ADGRV1: variants seen among roughly 807,000 people sequenced by gnomAD.
ADGRV1 encodes the protein G-protein coupled receptor 98.
In ADGRV1, 359 loss-of-function variants were observed where a neutral mutation model predicts 596.2. The observed-to-expected ratio is 0.60, with a 90% CI of 0.55 to 0.66. The LOEUF is 0.66. Among genes scored for constraint, ADGRV1 ranks in the 30% least tolerant of loss-of-function variants. The probability of loss-of-function intolerance (pLI) is 0.00; values close to 1 mark genes in which losing one functional copy is unlikely to be tolerated. For synonymous variants in ADGRV1, 2,681 were observed against 2,679.2 expected, an observed-to-expected ratio of 1.00 and a Z score of -0.02; for missense variants, 7,274 against 7,575.6, an observed-to-expected ratio of 0.96 and a Z score of 1.48.
intron 82 of ADGRV1, among the ~76,000 whole-genome samples, chr5:90,856,840 T>C (rs1379039712): frequency 3.3e-5 from 5 of 152,348 alleles, no homozygotes; most frequent in African/African-American, 4.8e-5. Context: ...GTGATAAATA[T>C]ATGAAGTCAG....
intron 85 of ADGRV1, among the ~76,000 whole-genome samples, chr5:91,021,191 C>A (rs148887475): frequency 1.3e-5 from 2 of 152,128 alleles, no homozygotes; most frequent in African/African-American, 4.8e-5. Flanking sequence ...TTTTATCTAA[C>A]CTCATTTTTG....
intron 6 of ADGRV1, 31 bp from the exon 7 acceptor site, chr5:90,627,180 T>C: frequency 2.4e-6 from 3 of 1,265,338 alleles, no homozygotes; most frequent in Non-Finnish European, 3.2e-6. Context: ...TGGCTGTTGA[T>C]GTTTTGCCTC....
At position 90,750,565 on chromosome 5, in the gene ADGRV1, G is replaced by T. The variant is rs377145287; in HGVS notation, c.10989G>T (p.Lys3663Asn). The T allele has an allele frequency of 6.2e-7, 1 of 1,607,888 alleles. No individual in the cohort carries two copies. The highest frequency in any genetic ancestry group is 1.3e-5 in the African/African-American group (1 of 74,808). The change falls in exon 53 of 90, where the codon AAG (lysine) becomes AAT (asparagine). Residue 3663 changes from lysine to asparagine, a missense_variant. Lys to Asn is a moderately conservative substitution (Grantham distance 94). Transcript: ENST00000405460. ...TATTTTTTCAGAATTCATTATATAA[G>T]CAAGTGGAAGAAATGGAGCAAGATA... ...IVAFAQNSLY[K>N]QVEEMEQDSL...
chr5:90,595,993 C>T (rs565518485), intron 1 of ADGRV1, among the ~76,000 whole-genome samples: 17 of 147,106 alleles, frequency 1.2e-4, no homozygotes, highest in East Asian at 4.3e-4. Context: ...ACTTTTCAGA[C>T]GGGGCGGCTG....
At chr5:90,579,999 G>A (rs1757777602) in intron 1 of ADGRV1, among the ~76,000 whole-genome samples, 1 of 151,828 alleles carries the variant, frequency 6.6e-6, no homozygotes, top group African/African-American at 2.4e-5. Flanking sequence ...TTGAGCCTAT[G>A]TGCATCTTTG....
At chr5:90,596,269 G>A (rs1262115747) in intron 1 of ADGRV1, among the ~76,000 whole-genome samples, 1 of 151,318 alleles carries the variant, frequency 6.6e-6, no homozygotes, top group Non-Finnish European at 1.5e-5. Context: ...TCCCAGATAG[G>A]ATGGCCGCCG....
chr5:90,764,772 G>A (rs2150021980), intron 59 of ADGRV1, among the ~76,000 whole-genome samples: 1 of 152,312 alleles, frequency 6.6e-6, no homozygotes, highest in South Asian at 2.1e-4. Flanking sequence ...TGACTCTAGA[G>A]CAGAGAGATC....
chr5:90,654,080 T>A (rs1194077141), intron 20 of ADGRV1, 128 bp downstream of exon 20: 1 of 950,776 alleles, frequency 1.1e-6, no homozygotes, highest in African/African-American at 1.6e-5. Context: ...TTTAATTTCT[T>A]TAATCAAAAC....
intron 50 of ADGRV1, among the ~76,000 whole-genome samples, chr5:90,737,732 A>AT (rs1282113096): frequency 6.6e-6 from 1 of 151,872 alleles, no homozygotes; most frequent in African/African-American, 2.4e-5. Flanking sequence ...ATTTTACCTG[A>AT]TATAAGTATA....
At chr5:90,827,888 A>G (rs1764196676) in intron 76 of ADGRV1, among the ~76,000 whole-genome samples, 2 of 152,252 alleles carry the variant, frequency 1.3e-5, no homozygotes, top group South Asian at 4.1e-4. Flanking sequence ...TTCATGATGT[A>G]ATAGTTATCA....
chr5:90,899,726 T>G (rs1771659477), intron 83 of ADGRV1, among the ~76,000 whole-genome samples: 1 of 149,688 alleles, frequency 6.7e-6, no homozygotes, highest in African/African-American at 2.4e-5. Context: ...TTTTTAGTTT[T>G]CTCTAGGCCT....
chr5:91,149,543 C>T (rs1426916118), intron 87 of ADGRV1, among the ~76,000 whole-genome samples: 1 of 152,072 alleles, frequency 6.6e-6, no homozygotes. Context: ...ATAAATTACC[C>T]AGTCTTGGCT....
intron 85 of ADGRV1, among the ~76,000 whole-genome samples, chr5:91,052,631 A>T (rs1786451338): frequency 6.6e-6 from 1 of 151,898 alleles, no homozygotes; most frequent in Admixed American, 6.6e-5. Flanking sequence ...GACAGGTCTC[A>T]CCACCTTGGT....
chr5:90,705,940 C>G (rs1401720441), intron 37 of ADGRV1, among the ~76,000 whole-genome samples: 1 of 152,134 alleles, frequency 6.6e-6, no homozygotes, highest in Non-Finnish European at 1.5e-5. Context: ...GTAAGGCCCC[C>G]TGAGGTCTAG....
intron 85 of ADGRV1, among the ~76,000 whole-genome samples, chr5:91,010,918 C>T (rs1257219700): frequency 6.6e-6 from 1 of 151,848 alleles, no homozygotes. Context: ...TATCATTTGA[C>T]TTTGGATTTT....
intron 86 of ADGRV1, among the ~76,000 whole-genome samples, chr5:91,101,459 C>T (rs777876380): frequency 6.6e-6 from 1 of 152,086 alleles, no homozygotes; most frequent in East Asian, 1.9e-4. Context: ...TTTGTGGCTG[C>T]AAAGATCCGA....
In ADGRV1 at chr5:90,908,969, G is replaced by A. The variant is rs150367695; in HGVS notation, c.17856+45112G>A. 7.3e-3 allele frequency among the ~76,000 whole-genome samples: 1,111 copies of A among 152,292 alleles called. 2 individuals carry two copies. The highest frequency in any genetic ancestry group is 0.01 in the Non-Finnish European group (702 of 68,016). On this transcript the variant is annotated intron_variant, in intron 83 of 89. Coordinates refer to ENST00000405460, the MANE Select transcript of ADGRV1 (RefSeq NM_032119.4). ...AGTAGGATTTTAGAGTGATTTTAAG[G>A]ATGAGTAGGAGAGGAGTATATTGCG...
At chr5:90,714,021 A>G (rs1361029840) in intron 42 of ADGRV1, among the ~76,000 whole-genome samples, 1 of 152,160 alleles carries the variant, frequency 6.6e-6, no homozygotes, top group Admixed American at 6.5e-5. Context: ...ATAAATCTCT[A>G]TATATGTGGA....
intron 41 of ADGRV1, among the ~76,000 whole-genome samples, chr5:90,711,603 TAAAG>T (rs1749358493): frequency 6.6e-6 from 1 of 152,224 alleles, no homozygotes; most frequent in Non-Finnish European, 1.5e-5. Flanking sequence ...GCTGTAATAT[TAAAG>T]AATTTATATC....
Sources: allele counts gnomAD v4.1 joint callset (sites outside exome capture counted in the v4.1 genomes callset), GRCh38; gene constraint gnomAD v4.1.1; transcripts MANE v1.5; gene names NCBI Gene and HGNC (gene_info 2026-07-23, HGNC 2026-07-21).